The following PDHX variants were observed in gnomAD, a reference collection of about 807,000 sequenced individuals.
PDHX encodes the protein pyruvate dehydrogenase complex component X.
A neutral mutation model predicts 55.3 loss-of-function variants in PDHX; 33 were observed. The observed-to-expected ratio is 0.60, with a 90% confidence interval of 0.45 to 0.80. The LOEUF (loss-of-function observed/expected upper bound fraction) is 0.80. Ranked by LOEUF, PDHX falls within the 30% of genes least tolerant of loss-of-function variation. The pLI is 0.00. For synonymous variants in PDHX, 226 were observed against 219.4 expected (o/e 1.03, Z -0.27); for missense variants, 622 against 619.9 (o/e 1.00, Z -0.04).
intron 4 of PDHX, among the ~76,000 whole-genome samples, chr11:34,959,402 AAAAC>A (rs141164880): frequency 0.6 from 90,481 of 151,118 alleles, 28,572 homozygotes; most frequent in East Asian, 0.75. Flanking sequence ...GGCTAGTATC[AAAAC>A]AAACAAACAA....
chr11:34,957,517 C>G lies in PDHX; in HGVS notation c.476C>G (p.Pro159Arg), dbSNP rs1485581565. The G allele has an allele frequency of 6.2e-7, 1 of 1,613,986 alleles. No individual in the cohort carries two copies. ...PPPPVSKPSEPRPSPEPQISI... is the reference protein window; with the variant it reads ...PPPPVSKPSERRPSPEPQISI... ...CCACCAGTTTCAAAACCTTCAGAGC[C>G]TCGCCCCTCACCAGAACCACAGATT... is the stretch of plus-strand genomic sequence containing the variant. The change falls in exon 4 of 11, where the codon CCT becomes CGT. Residue 159 changes from proline (P) to arginine (R), a missense_variant. Physicochemically the swap from Pro to Arg is moderately radical, Grantham distance 103 (BLOSUM62 -2). Transcript: ENST00000227868.
At chr11:34,942,758 C>T (rs1854518218) in intron 2 of PDHX, among the ~76,000 whole-genome samples, 1 of 152,062 alleles carries the variant, frequency 6.6e-6, no homozygotes, top group Admixed American at 6.6e-5. Flanking sequence ...TAAAACTTCC[C>T]TGTGATTTAT....
At chr11:34,948,252 C>T (rs1449801872) in intron 3 of PDHX, among the ~76,000 whole-genome samples, 1 of 152,220 alleles carries the variant, frequency 6.6e-6, no homozygotes, top group Non-Finnish European at 1.5e-5. Context: ...ACTGTTTCCT[C>T]AGCTCTTGGT....
chr11:34,922,313 G>A, intron 1 of PDHX, among the ~76,000 whole-genome samples: 1 of 152,170 alleles, frequency 6.6e-6, no homozygotes, highest in East Asian at 1.9e-4. Context: ...AAGAAATTTG[G>A]GGATAGGTTT....
At chr11:34,952,698 A>G (rs1854804500) in intron 3 of PDHX, among the ~76,000 whole-genome samples, 1 of 151,494 alleles carries the variant, frequency 6.6e-6, no homozygotes, top group Non-Finnish European at 1.5e-5. Context: ...TCTCAAAATA[A>G]TAAGAGCTAT....
intron 7 of PDHX, among the ~76,000 whole-genome samples, chr11:34,976,364 C>G (rs1358510250): frequency 6.6e-6 from 1 of 152,142 alleles, no homozygotes; most frequent in Non-Finnish European, 1.5e-5. Context: ...GTAACAGCAT[C>G]TCCTTTCAAT....
At chr11:34,935,237 G>C (rs1381933751) in intron 2 of PDHX, among the ~76,000 whole-genome samples, 1 of 151,950 alleles carries the variant, frequency 6.6e-6, no homozygotes, top group African/African-American at 2.4e-5. Context: ...TTTGAGATGA[G>C]AAACTAGTAC....
rs2134009033 is a variant in PDHX at position 34,995,496 on chromosome 11, A to T, written c.*324A>T. 2.9e-6 allele frequency: 1 copy of T among 340,576 alleles called. No individual in the cohort carries two copies. Among genetic ancestry groups the T allele is most frequent in the Admixed American group, 4.4e-5 (1 of 22,750 alleles). The allele number at this position is 340,576 out of a possible 1,614,324, so 21.1% of individuals were successfully genotyped here. A position where few individuals can be genotyped will look rare whatever the true frequency, so the allele number is the denominator to read the frequency against. ...TGTTTGGCTCATTTGAGCATTTTGG[A>T]ATATTTGAGAATGTATGATACATGT... On this transcript the variant is annotated 3_prime_UTR_variant, in exon 11 of 11. Transcript: ENST00000227868.
intron 10 of PDHX, among the ~76,000 whole-genome samples, chr11:34,994,455 C>T (rs1324600309): frequency 6.6e-6 from 1 of 152,200 alleles, no homozygotes; most frequent in South Asian, 2.1e-4. Context: ...CTTAGGACAT[C>T]ACTATACACT....
At chr11:34,989,135 T>C (rs1358622612) in intron 9 of PDHX, among the ~76,000 whole-genome samples, 1 of 152,212 alleles carries the variant, frequency 6.6e-6, no homozygotes, top group East Asian at 1.9e-4. Context: ...GTACAGCCTA[T>C]TACTGTACTG....
At chr11:34,925,568 A>G (rs974197330) in intron 1 of PDHX, among the ~76,000 whole-genome samples, 4 of 152,194 alleles carry the variant, frequency 2.6e-5, no homozygotes, top group Admixed American at 2.6e-4. Context: ...GTAAGATTGG[A>G]TAAATTTATT....
rs1564936921 is a variant in PDHX, at chr11:34,994,930, A to G, written c.1264A>G (p.Met422Val). The G allele has an allele frequency of 1.2e-6, 2 of 1,613,696 alleles. No individual in the cohort carries two copies. The highest frequency in any genetic ancestry group is 1.7e-6 in the Non-Finnish European group (2 of 1,179,846). The change falls in exon 11 of 11, where the codon ATG becomes GTG. Residue 422 changes from methionine (M) to valine (V), a missense_variant. Transcript: ENST00000227868. ...GGSFSISNLGMFGIDEFTAVI... is the reference protein window; with the variant it reads ...GGSFSISNLGVFGIDEFTAVI... ...TCCCCCTAGTATTTCCAACTTGGGG[A>G]TGTTTGGCATCGACGAATTTACTGC...
intron 9 of PDHX, among the ~76,000 whole-genome samples, chr11:34,985,463 C>G (rs1343278434): frequency 6.6e-6 from 1 of 152,084 alleles, no homozygotes; most frequent in Non-Finnish European, 1.5e-5. Flanking sequence ...ACGTAATGTT[C>G]CAGAGGCAAA....
At chr11:34,920,996 A>G (rs1853864852) in intron 1 of PDHX, among the ~76,000 whole-genome samples, 1 of 152,188 alleles carries the variant, frequency 6.6e-6, no homozygotes, top group Admixed American at 6.5e-5. Flanking sequence ...CTTCTTTGAT[A>G]GAGTTAATGG....
intron 5 of PDHX, among the ~76,000 whole-genome samples, chr11:34,963,577 G>A (rs1855065764): frequency 6.6e-6 from 1 of 152,194 alleles, no homozygotes; most frequent in South Asian, 2.1e-4. Flanking sequence ...ACTGTGCCCA[G>A]CCAACACACG....
upstream of PDHX, chr11:34,916,204 G>C (rs749560956): frequency 5.0e-6 from 8 of 1,604,412 alleles, no homozygotes; most frequent in Middle Eastern, 7.6e-4. Flanking sequence ...TGGGAATACC[G>C]GGCACCGGTG....
rs567514373 is a variant in PDHX at position 34,985,036 on chromosome 11, C to T, written c.1182+308C>T. 3.3e-5 allele frequency among the ~76,000 whole-genome samples: 5 copies of T among 152,286 alleles called. 1 individual carries two copies. The East Asian group carries it at 9.6e-4, about 29-fold the overall frequency. On this transcript the variant is annotated intron_variant, in intron 9 of 10. Coordinates refer to ENST00000227868, the MANE Select transcript of PDHX (RefSeq NM_003477.3). ...GAATTCAGCCATAAAGATGCTATAT[C>T]AGGTAGGTTTTAAAGTTGAAGTTAA...
At chr11:34,916,057 C>T (rs1256730871), upstream of PDHX, 6 of 865,910 alleles carry the variant, frequency 6.9e-6, no homozygotes, top group East Asian at 5.6e-5. Context: ...GCCTCGCAGC[C>T]TTGCTTCCGA....
chr11:34,954,802 C>A (rs142668850), intron 3 of PDHX, among the ~76,000 whole-genome samples: 2 of 152,262 alleles, frequency 1.3e-5, no homozygotes, highest in East Asian at 3.9e-4. Context: ...ACATATAACT[C>A]ATTTATTCCT....
Sources: allele counts gnomAD v4.1 joint callset (sites outside exome capture counted in the v4.1 genomes callset), GRCh38; gene constraint gnomAD v4.1.1; transcripts MANE v1.5; gene names NCBI Gene and HGNC (gene_info 2026-07-23, HGNC 2026-07-21).